GRIP1: variants seen among roughly 807,000 people sequenced by gnomAD.
The protein encoded by GRIP1 is glutamate receptor interacting protein 1.
A neutral mutation model predicts 129.9 loss-of-function variants in GRIP1; 45 were observed. The observed-to-expected ratio is 0.35, with a 90% confidence interval of 0.27 to 0.44. The LOEUF is 0.44. GRIP1 is among the 20% of genes least tolerant of loss of function. The pLI is 1.00. For synonymous variants in GRIP1, 530 were observed against 520.8 expected (o/e 1.02, Z -0.24); for missense variants, 1,196 against 1,396.8 (o/e 0.86, Z 2.29).
At chr12:66,556,996 T>C (rs1370231428) in intron 2 of GRIP1, among the ~76,000 whole-genome samples, 2 of 151,918 alleles carry the variant, frequency 1.3e-5, no homozygotes, top group Admixed American at 6.6e-5. Flanking sequence ...TAACATTGAA[T>C]GTAAATGGAC....
intron 1 of GRIP1, among the ~76,000 whole-genome samples, chr12:67,054,631 G>A (rs117996784): frequency 0.01 from 1,523 of 152,180 alleles, 12 homozygotes; most frequent in Non-Finnish European, 0.015. Context: ...AGCCATGGTG[G>A]TGCGCACCTG....
chr12:66,437,321 T>C (rs2058339574), intron 13 of GRIP1, among the ~76,000 whole-genome samples: 1 of 152,174 alleles, frequency 6.6e-6, no homozygotes, highest in African/African-American at 2.4e-5. Context: ...AGGTTGGTAA[T>C]GACTAACTAG....
intron 1 of GRIP1, among the ~76,000 whole-genome samples, chr12:66,750,324 G>C (rs1349202008): frequency 1.3e-5 from 2 of 152,230 alleles, no homozygotes; most frequent in Non-Finnish European, 2.9e-5. Flanking sequence ...GCAGGGTGCT[G>C]CTATTGCTGC....
chr12:66,445,481 A>G lies in GRIP1; in HGVS notation c.1382T>C (p.Leu461Ser). 6.2e-7 allele frequency: 1 copy of G among 1,613,882 alleles called. No homozygotes were observed. The highest frequency in any genetic ancestry group is 8.5e-7 in the Non-Finnish European group (1 of 1,179,840). The change falls in exon 12 of 25, where the codon TTG (leucine) becomes TCG (serine). Residue 461 changes from leucine (L) to serine (S), a missense_variant. By Grantham distance (145) the Leu-to-Ser change is moderately radical. Transcript: ENST00000359742. ...TTCTGTGTGAACAACCTGCCCAGCC[A>G]ATCCTACTGTGCTGGAGGCTAAGGA... ...SLSLASSTVG[L>S]AGQVVHTETT... is the part of the protein sequence containing the mutation.
At chr12:66,961,476 T>TAAGAAGTAGTTAAGTTTAAGG (rs1326418483) in intron 1 of GRIP1, among the ~76,000 whole-genome samples, 2 of 152,180 alleles carry the variant, frequency 1.3e-5, no homozygotes, top group African/African-American at 4.8e-5. Context: ...AACAATGTTA[T>TAAGAAGTAGTTAAGTTTAAGG]AAGAAGTAGT....
At chr12:66,805,972 T>C (rs566163319), upstream of GRIP1, among the ~76,000 whole-genome samples, 3 of 133,930 alleles carry the variant, frequency 2.2e-5, no homozygotes, top group East Asian at 6.3e-4. Context: ...GGTTTCTTTT[T>C]TTTTTCTTTT....
chr12:66,705,440 TG>T (rs1434941210), intron 1 of GRIP1, among the ~76,000 whole-genome samples: 3 of 152,158 alleles, frequency 2.0e-5, no homozygotes, highest in African/African-American at 7.2e-5. Flanking sequence ...TCCATTCTCA[TG>T]GACAGGAAGA....
chr12:66,586,085 C>A (rs533308736), intron 2 of GRIP1, among the ~76,000 whole-genome samples: 1 of 152,156 alleles, frequency 6.6e-6, no homozygotes, highest in East Asian at 1.9e-4. Flanking sequence ...GGCCACTCTC[C>A]CATTTTTCTG....
chr12:67,061,999 C>T (rs2043544820), intron 1 of GRIP1, among the ~76,000 whole-genome samples: 1 of 152,192 alleles, frequency 6.6e-6, no homozygotes, highest in East Asian at 1.9e-4. Flanking sequence ...CCGACATTTA[C>T]CTGGTCACCA....
At chr12:67,002,170 A>G (rs1459729683) in intron 1 of GRIP1, among the ~76,000 whole-genome samples, 1 of 152,262 alleles carries the variant, frequency 6.6e-6, no homozygotes, top group Non-Finnish European at 1.5e-5. Context: ...TACTTTCGCT[A>G]TTATTAGAAC....
intron 1 of GRIP1, among the ~76,000 whole-genome samples, chr12:66,658,557 G>A (rs574037373): frequency 1.8e-4 from 27 of 151,450 alleles, no homozygotes; most frequent in African/African-American, 6.5e-4. Flanking sequence ...CTCCAGGCTG[G>A]GTGACAGAGC....
chr12:66,451,383 G>GTTTGTTTTTTTTTTTTTTTTT (rs2058794233), intron 11 of GRIP1, among the ~76,000 whole-genome samples: 1 of 42,650 alleles, frequency 2.3e-5, no homozygotes, highest in Non-Finnish European at 4.2e-5. Flanking sequence ...ATTATAATCT[G>GTTTGTTTTTTTTTTTTTTTTT]TTTTTTTTTT....
chr12:66,912,416 A>C (rs1032125475), intron 1 of GRIP1, among the ~76,000 whole-genome samples: 1 of 152,176 alleles, frequency 6.6e-6, no homozygotes. Context: ...AAATGTATAG[A>C]TATTACTATG....
intron 2 of GRIP1, among the ~76,000 whole-genome samples, chr12:66,571,843 C>T (rs2062970258): frequency 6.6e-6 from 1 of 152,156 alleles, no homozygotes; most frequent in Non-Finnish European, 1.5e-5. Context: ...CATTTACTTT[C>T]CCCAGGACAA....
rs561200150 is a variant in GRIP1, at chr12:66,424,659, A to G, written c.1769-3870T>C. On this transcript the variant is annotated intron_variant, in intron 14 of 24. Transcript: ENST00000359742. ...TAGCATGACTATGTCAACAGCATCC[A>G]GAGGTAAGTCATATAGCATTCCATG... Among the ~76,000 whole-genome samples, 3 of 152,318 alleles carry G rather than the reference A, an allele frequency of 2.0e-5. No individual in the cohort carries two copies. The South Asian group carries it at 6.2e-4, about 32-fold the overall frequency.
At chr12:66,670,788 G>A (rs1438478472) in intron 1 of GRIP1, among the ~76,000 whole-genome samples, 1 of 152,164 alleles carries the variant, frequency 6.6e-6, no homozygotes, top group Non-Finnish European at 1.5e-5. Flanking sequence ...AGTGATGACA[G>A]TCAGATATGG....
intron 2 of GRIP1, among the ~76,000 whole-genome samples, chr12:66,588,941 C>G (rs1050934889): frequency 1.3e-5 from 2 of 150,998 alleles, no homozygotes; most frequent in African/African-American, 2.4e-5. Context: ...TGCACTCCAG[C>G]CTGGGTGACA....
chr12:66,606,991 TGG>T (rs2064561300), intron 1 of GRIP1, among the ~76,000 whole-genome samples: 6 of 138,862 alleles, frequency 4.3e-5, no homozygotes, highest in Admixed American at 2.7e-4. Flanking sequence ...CATCCTTACT[TGG>T]AGAGAGAGAG....
rs139390256 is a variant in GRIP1 at position 66,944,892 on chromosome 12, A to G, written c.58+124158T>C. 4.0e-3 allele frequency among the ~76,000 whole-genome samples: 616 copies of G among 152,312 alleles called. 6 individuals carry two copies. Among genetic ancestry groups the G allele is most frequent in the Admixed American group, 7.8e-3 (119 of 15,302 alleles). On this transcript the variant is annotated intron_variant, in intron 1 of 1. Transcript: ENST00000643019. ...ACTGCAACCTCTGCCACCCAGGTTC[A>G]GGCAATTCTCGTGCCTCAGCCTCCC...
Sources: gnomAD v4.1 joint callset for allele counts (sites outside exome capture counted in the v4.1 genomes callset) on GRCh38, gnomAD v4.1.1 for gene constraint, MANE v1.5 for transcripts, NCBI Gene and HGNC (gene_info 2026-07-23, HGNC 2026-07-21) for gene names.